SPAG16: variants seen among roughly 807,000 people sequenced by gnomAD.
SPAG16 encodes sperm associated antigen 16.
In SPAG16, 86 loss-of-function variants were observed where a neutral mutation model predicts 80.4. The ratio of observed to expected loss-of-function variants is 1.07; its 90% CI spans 0.90 to 1.28. SPAG16 has a LOEUF of 1.28. SPAG16 is among the 50% of genes most tolerant of loss of function. SPAG16 has a pLI of 0.00. For synonymous variants in SPAG16, 294 were observed against 265.9 expected (o/e 1.11, Z -1.03); for missense variants, 870 against 765.3 (o/e 1.14, Z -1.61).
rs550146256 is a variant in SPAG16, at chr2:213,617,489, C to A, written c.1070+127399C>A. Among the ~76,000 whole-genome samples the A allele has an allele frequency of 2.0e-5, 3 of 152,176 alleles. No homozygotes were observed. In the East Asian group the frequency reaches 5.8e-4, roughly 30 times the overall value. On this transcript the variant is annotated intron_variant, in intron 10 of 15. Coordinates refer to ENST00000331683, the MANE Select transcript of SPAG16 (RefSeq NM_024532.5). ...CCCGACTGGCTGGGATTACAGGCGCCCACCACCATGTTCAGCTAGTTTTTG... is the reference window on the plus strand; with the variant it reads ...CCCGACTGGCTGGGATTACAGGCGCACACCACCATGTTCAGCTAGTTTTTG...
At chr2:214,273,142 TG>T (rs1386850961) in intron 15 of SPAG16, among the ~76,000 whole-genome samples, 1 of 152,198 alleles carries the variant, frequency 6.6e-6, no homozygotes, top group East Asian at 1.9e-4. Flanking sequence ...TGGGGTTGTA[TG>T]TTTTTTTCTT....
intron 12 of SPAG16, among the ~76,000 whole-genome samples, chr2:213,972,976 G>A (rs760120781): frequency 6.6e-6 from 1 of 151,870 alleles, no homozygotes; most frequent in Admixed American, 6.6e-5. Flanking sequence ...CCAAGTGCTT[G>A]GAAACAAAAC....
At chr2:214,399,205 A>C (rs1701572968) in intron 15 of SPAG16, among the ~76,000 whole-genome samples, 1 of 152,170 alleles carries the variant, frequency 6.6e-6, no homozygotes, top group Non-Finnish European at 1.5e-5. Flanking sequence ...AAACTAATTA[A>C]TTTAGCCATT....
intron 15 of SPAG16, among the ~76,000 whole-genome samples, chr2:214,365,672 C>G (rs913624192): frequency 1.3e-5 from 2 of 152,034 alleles, no homozygotes; most frequent in Admixed American, 1.3e-4. Flanking sequence ...ATGCTCATTT[C>G]CTATACTTTA....
At chr2:214,157,940 A>G (rs902370771) in intron 15 of SPAG16, among the ~76,000 whole-genome samples, 1 of 151,466 alleles carries the variant, frequency 6.6e-6, no homozygotes, top group Non-Finnish European at 1.5e-5. Flanking sequence ...ATACCCACAA[A>G]TCTTTTCTCT....
intron 11 of SPAG16, among the ~76,000 whole-genome samples, chr2:213,889,333 G>A (rs2076687435): frequency 6.6e-6 from 1 of 151,596 alleles, no homozygotes; most frequent in Non-Finnish European, 1.5e-5. Flanking sequence ...ATTTTACCAG[G>A]CTGAGAAAAT....
intron 14 of SPAG16, among the ~76,000 whole-genome samples, chr2:214,142,210 A>ATTTTAATTC (rs1307602473): frequency 1.3e-5 from 2 of 152,258 alleles, no homozygotes; most frequent in Admixed American, 1.3e-4. Context: ...AATGACTAAC[A>ATTTTAATTC]TTTTAATTCT....
intron 15 of SPAG16, among the ~76,000 whole-genome samples, chr2:214,355,653 C>A (rs1196939490): frequency 2.7e-5 from 4 of 150,670 alleles, no homozygotes; most frequent in African/African-American, 9.7e-5. Context: ...TACCATTTGA[C>A]CCAGCCATCC....
intron 15 of SPAG16, among the ~76,000 whole-genome samples, chr2:214,388,877 A>G (rs190493142): frequency 2.0e-5 from 3 of 152,316 alleles, no homozygotes; most frequent in Non-Finnish European, 2.9e-5. Flanking sequence ...TTTTCTGAGA[A>G]CATTGCCTGT....
At chr2:213,677,570 A>G (rs1315147716) in intron 10 of SPAG16, among the ~76,000 whole-genome samples, 4 of 152,268 alleles carry the variant, frequency 2.6e-5, no homozygotes, top group African/African-American at 9.6e-5. Flanking sequence ...AGAGCTAACT[A>G]TCCTAAATAT....
chr2:214,023,981 G>A (rs1466769691), intron 13 of SPAG16, among the ~76,000 whole-genome samples: 1 of 151,524 alleles, frequency 6.6e-6, no homozygotes, highest in Admixed American at 6.6e-5. Context: ...TCTGTAAGAG[G>A]TAAAAATAAT....
At chr2:213,582,743 CT>C (rs2060338809) in intron 10 of SPAG16, among the ~76,000 whole-genome samples, 1 of 152,106 alleles carries the variant, frequency 6.6e-6, no homozygotes, top group Non-Finnish European at 1.5e-5. Flanking sequence ...AGAGAAGGAA[CT>C]TAGGTTACTG....
At chr2:213,769,555 C>A (rs2069128180) in intron 10 of SPAG16, among the ~76,000 whole-genome samples, 1 of 152,166 alleles carries the variant, frequency 6.6e-6, no homozygotes, top group South Asian at 2.1e-4. Context: ...GAGGAATCCT[C>A]ATCTACTAGT....
At chr2:214,068,318 G>C (rs879597119) in intron 13 of SPAG16, among the ~76,000 whole-genome samples, 2 of 152,116 alleles carry the variant, frequency 1.3e-5, no homozygotes, top group Non-Finnish European at 2.9e-5. Context: ...AGCACTATTG[G>C]TGTGTACTGT....
intron 12 of SPAG16, among the ~76,000 whole-genome samples, chr2:213,942,359 C>T (rs1014424560): frequency 6.6e-6 from 1 of 152,184 alleles, no homozygotes; most frequent in Admixed American, 6.5e-5. Context: ...TCACACCTTC[C>T]TCCTCCATAT....
intron 10 of SPAG16, among the ~76,000 whole-genome samples, chr2:213,518,065 G>A (rs533902303): frequency 6.6e-6 from 1 of 152,268 alleles, no homozygotes; most frequent in Non-Finnish European, 1.5e-5. Flanking sequence ...ATCTGGCAAA[G>A]GCCTAGTATC....
chr2:214,005,437 A>G (rs535186173), intron 12 of SPAG16, among the ~76,000 whole-genome samples: 1 of 152,280 alleles, frequency 6.6e-6, no homozygotes, highest in Admixed American at 6.5e-5. Context: ...AACAATGTTC[A>G]ATTTATTAGT....
intron 10 of SPAG16, among the ~76,000 whole-genome samples, chr2:213,689,123 T>C (rs886399549): frequency 1.3e-5 from 2 of 151,986 alleles, no homozygotes; most frequent in Non-Finnish European, 2.9e-5. Context: ...CGGTGCCTGG[T>C]TAGTGTTTGT....
intron 14 of SPAG16, among the ~76,000 whole-genome samples, chr2:214,132,425 TC>T (rs1426283115): frequency 6.6e-6 from 1 of 152,220 alleles, no homozygotes; most frequent in East Asian, 1.9e-4. Context: ...CTTCAGTTCC[TC>T]AGTTGCTGTA....
Sources: gnomAD v4.1 joint callset for allele counts (sites outside exome capture counted in the v4.1 genomes callset) on GRCh38, gnomAD v4.1.1 for gene constraint, MANE v1.5 for transcripts, NCBI Gene and HGNC (gene_info 2026-07-23, HGNC 2026-07-21) for gene names.